The following TOPBP1 variants were observed in gnomAD, a reference collection of about 807,000 sequenced individuals.
The protein encoded by TOPBP1 is DNA topoisomerase II binding protein 1.
A neutral mutation model predicts 167.7 loss-of-function variants in TOPBP1; 28 were observed. That is an observed-to-expected ratio of 0.17 (90% CI 0.12 to 0.23). The LOEUF (loss-of-function observed/expected upper bound fraction) is 0.23. TOPBP1 is among the 10% of genes least tolerant of loss of function. The pLI is 1.00. For synonymous variants in TOPBP1, 598 were observed against 611.4 expected, an observed-to-expected ratio of 0.98 and a Z score of 0.32; for missense variants, 1,554 against 1,809.6, an observed-to-expected ratio of 0.86 and a Z score of 2.56.
chr3:133,649,772 A>G lies in TOPBP1; in HGVS notation c.1253+8T>C, dbSNP rs1427685370. ...TAGAAATTGCTTTGAATTAAAAACG[A>G]AAAAAACCTGTGGGCTGATTTATTC... is the stretch of plus-strand genomic sequence containing the variant. On this transcript the variant is annotated splice_region_variant and intron_variant, in intron 9 of 27. Coordinates refer to ENST00000260810, the MANE Select transcript of TOPBP1 (RefSeq NM_007027.4). 2 of 1,584,734 alleles carry G rather than the reference A, an allele frequency of 1.3e-6. No individual in the cohort carries two copies. Among genetic ancestry groups the G allele is most frequent in the Non-Finnish European group, 1.7e-6 (2 of 1,170,904 alleles).
chr3:133,638,288 GATCC>G, intron 13 of TOPBP1, 126 bp from the exon 14 acceptor site: 1 of 908,090 alleles, frequency 1.1e-6, no homozygotes, highest in Non-Finnish European at 1.6e-6. Flanking sequence ...GGGCTCAAGA[GATCC>G]ATCTACCTCG....
chr3:133,615,905 C>T (rs1306980320), intron 23 of TOPBP1, among the ~76,000 whole-genome samples: 14 of 152,078 alleles, frequency 9.2e-5, no homozygotes, highest in Non-Finnish European at 1.5e-4. Context: ...TGCACCCAGC[C>T]TCTTTTTAGT....
chr3:133,626,684 C>G (rs545226460), intron 16 of TOPBP1, among the ~76,000 whole-genome samples: 11 of 152,284 alleles, frequency 7.2e-5, no homozygotes, highest in East Asian at 5.8e-4. Flanking sequence ...CATAGGTATA[C>G]AAACGTATTA....
intron 16 of TOPBP1, among the ~76,000 whole-genome samples, chr3:133,625,588 G>A (rs1327578497): frequency 7.2e-5 from 11 of 151,932 alleles, no homozygotes; most frequent in Admixed American, 5.2e-4. Context: ...AAAATTAGCC[G>A]GGTGTGGTGG....
rs1045098264 is a variant in TOPBP1, at chr3:133,646,477, C to T, written c.1505-2114G>A. Among the ~76,000 whole-genome samples the T allele has an allele frequency of 3.3e-5, 5 of 152,004 alleles. No homozygotes were observed. The East Asian group carries it at 9.7e-4, about 29-fold the overall frequency. On this transcript the variant is annotated intron_variant, in intron 10 of 27. Transcript: ENST00000260810. The stretch of plus-strand genomic sequence containing the variant: ...ACCAACCTGGCCAACATGGTGAAAC[C>T]CCATCTCTACTAAAAATACAAAAAT...
chr3:133,660,730 A>G (rs1022726790), intron 2 of TOPBP1, among the ~76,000 whole-genome samples: 2 of 152,212 alleles, frequency 1.3e-5, no homozygotes, highest in African/African-American at 4.8e-5. Flanking sequence ...ACCAGTACAC[A>G]ACTGACTCAA....
At chr3:133,635,548 G>A (rs917289995) in intron 14 of TOPBP1, among the ~76,000 whole-genome samples, 1 of 152,158 alleles carries the variant, frequency 6.6e-6, no homozygotes, top group Non-Finnish European at 1.5e-5. Flanking sequence ...GAGCCACCAC[G>A]CCCAGCCCCT....
At chr3:133,631,193 A>G (rs1441661607) in intron 14 of TOPBP1, among the ~76,000 whole-genome samples, 1 of 152,228 alleles carries the variant, frequency 6.6e-6, no homozygotes, top group Non-Finnish European at 1.5e-5. Flanking sequence ...TATTTCAAGA[A>G]AAACCCCAAA....
intron 16 of TOPBP1, among the ~76,000 whole-genome samples, chr3:133,625,637 AGGAG>A (rs1484936016): frequency 6.6e-6 from 1 of 152,102 alleles, no homozygotes; most frequent in African/African-American, 2.4e-5. Flanking sequence ...AGGCTGAGGC[AGGAG>A]AATCGCTTAA....
At chr3:133,639,671 G>C (rs779943543) in intron 13 of TOPBP1, among the ~76,000 whole-genome samples, 1 of 152,140 alleles carries the variant, frequency 6.6e-6, no homozygotes, top group Non-Finnish European at 1.5e-5. Flanking sequence ...AGATAAGCAG[G>C]AAGAGCAGGC....
rs758982846 is a variant in TOPBP1 at position 133,608,703 on chromosome 3, A to G, written c.4264-7T>C. The G allele has an allele frequency of 6.2e-7, 1 of 1,612,896 alleles. No individual in the cohort carries two copies. On this transcript the variant is annotated splice_polypyrimidine_tract_variant and splice_region_variant and intron_variant, in intron 26 of 27. Coordinates refer to ENST00000260810, the MANE Select transcript of TOPBP1 (RefSeq NM_007027.4). ...CAGAATGACCAGGTAGCACCTAATG[A>G]AAAAACAAGGTAGTATCACAATCTA...
chr3:133,644,026 T>C lies in TOPBP1; in HGVS notation c.1842A>G (p.Thr614=), dbSNP rs777198938. ...ACCACTAGTGTTGTCTTACCAGCCA[T>C]GTATTTGTAACAACTTCTCCCACAG... is the stretch of plus-strand genomic sequence containing the variant. ...EATVGEVVTN[T]WLVTCIDYQT... is the part of the protein sequence containing the mutation. The change falls in exon 11 of 28, where the codon ACA becomes ACG. Residue 614 remains threonine, a synonymous_variant. Transcript: ENST00000260810. 4.4e-6 allele frequency: 7 copies of C among 1,597,030 alleles called. No homozygotes were observed. In the South Asian group the frequency reaches 4.5e-5, roughly 10 times the overall value.
rs1301225043 is a variant in TOPBP1, at chr3:133,653,456, T to C, written c.811A>G (p.Ile271Val). Residue 271 changes from isoleucine to valine, a missense_variant, in exon 7 of 28, where the codon ATT becomes GTT. Transcript: ENST00000260810. The part of the protein sequence containing the change: ...CVTTQWFFDS[I>V]EKGFCQDESI... ...TCATCCTGACAAAAACCTTTCTCAA[T>C]ACTGTCAAAAAACCACTGTGTGGTC... The C allele has an allele frequency of 6.2e-7, 1 of 1,612,882 alleles. No individual in the cohort carries two copies. Among genetic ancestry groups the C allele is most frequent in the Non-Finnish European group, 8.5e-7 (1 of 1,179,582 alleles).
At chr3:133,618,150 T>C (rs780618426) in intron 21 of TOPBP1, 63 bp downstream of exon 21, 1 of 1,385,450 alleles carries the variant, frequency 7.2e-7, no homozygotes, top group South Asian at 1.2e-5. Flanking sequence ...TGCTCATCTG[T>C]TTATTTTTAA....
At chr3:133,622,453 A>G (rs1935124824) in intron 19 of TOPBP1, among the ~76,000 whole-genome samples, 2 of 151,606 alleles carry the variant, frequency 1.3e-5, no homozygotes, top group Non-Finnish European at 2.9e-5. Context: ...TCAGCCTCCC[A>G]AAGTGCTGGG....
At chr3:133,614,596 T>A (rs1183605665) in intron 23 of TOPBP1, among the ~76,000 whole-genome samples, 1 of 152,136 alleles carries the variant, frequency 6.6e-6, no homozygotes, top group African/African-American at 2.4e-5. Flanking sequence ...CTTCCTGCCC[T>A]CTTCTAGATC....
At chr3:133,651,852 C>A (rs763117811) in intron 8 of TOPBP1, among the ~76,000 whole-genome samples, 1 of 151,974 alleles carries the variant, frequency 6.6e-6, no homozygotes, top group Non-Finnish European at 1.5e-5. Context: ...GACTTAAATG[C>A]GATTTTATAT....
intron 19 of TOPBP1, among the ~76,000 whole-genome samples, chr3:133,620,822 A>C (rs948480037): frequency 6.6e-6 from 1 of 151,914 alleles, no homozygotes; most frequent in African/African-American, 2.4e-5. Context: ...TGATCTGCCC[A>C]CCTCAGCCTC....
intron 27 of TOPBP1, among the ~76,000 whole-genome samples, chr3:133,603,577 T>C (rs988987033): frequency 1.3e-5 from 2 of 152,140 alleles, no homozygotes; most frequent in African/African-American, 4.8e-5. Context: ...CCTCAGATAA[T>C]GTACATTCAA....
Sources: gnomAD v4.1 joint callset for allele counts (sites outside exome capture counted in the v4.1 genomes callset) on GRCh38, gnomAD v4.1.1 for gene constraint, MANE v1.5 for transcripts, NCBI Gene and HGNC (gene_info 2026-07-23, HGNC 2026-07-21) for gene names.